Variants in CAPZB observed in about 807,000 individuals in gnomAD.
The protein encoded by CAPZB is capping actin protein of muscle Z-line subunit beta.
CAPZB carries 2 observed loss-of-function variants against 38.1 expected under a neutral mutation model. The observed-to-expected ratio is 0.05, with a 90% CI of 0.02 to 0.17. The LOEUF is 0.17. Among genes scored for constraint, CAPZB ranks in the 10% least tolerant of loss-of-function variants. The probability of loss-of-function intolerance (pLI) is 1.00; values close to 1 mark genes in which losing one functional copy is unlikely to be tolerated. For synonymous variants in CAPZB, 107 were observed against 127.4 expected, an observed-to-expected ratio of 0.84 and a Z score of 1.08; for missense variants, 161 against 334.2, an observed-to-expected ratio of 0.48 and a Z score of 4.04.
intron 2 of CAPZB, among the ~76,000 whole-genome samples, chr1:19,413,003 C>T (rs2094363772): frequency 6.6e-6 from 1 of 152,186 alleles, no homozygotes; most frequent in Admixed American, 6.5e-5. Flanking sequence ...TCCACGAAAA[C>T]CCCGGCACCT....
intron 4 of CAPZB, among the ~76,000 whole-genome samples, chr1:19,365,818 G>A (rs559806124): frequency 1.3e-5 from 2 of 150,924 alleles, no homozygotes; most frequent in South Asian, 4.2e-4. Context: ...TGAGTAACAA[G>A]AGTGAAACTC....
At position 19,485,532 on chromosome 1, in the gene CAPZB, G is replaced by A; in HGVS notation, c.-94C>T. The stretch of plus-strand genomic sequence containing the variant: ...CTTCCACTTCCCCGGGTGCCCAGGA[G>A]TGAACATCCGGGTCAGCACCCCCCT... On this transcript the variant is annotated 5_prime_UTR_variant, in exon 1 of 9. Transcript: ENST00000264202. 4 of 1,063,242 alleles carry A rather than the reference G, an allele frequency of 3.8e-6. No homozygotes were observed. Among genetic ancestry groups the A allele is most frequent in the Non-Finnish European group, 4.8e-6 (4 of 835,858 alleles). The allele number at this position is 1,063,242 out of a possible 1,614,324, so 65.9% of individuals were successfully genotyped here.
chr1:19,453,015 G>A (rs1412903242), intron 1 of CAPZB, among the ~76,000 whole-genome samples: 3 of 151,956 alleles, frequency 2.0e-5, no homozygotes, highest in Non-Finnish European at 4.4e-5. Flanking sequence ...ATGCTGGCCA[G>A]GCTGGTCTCG....
At chr1:19,453,908 T>C (rs2094524711) in intron 1 of CAPZB, among the ~76,000 whole-genome samples, 1 of 108,136 alleles carries the variant, frequency 9.2e-6, no homozygotes, top group Admixed American at 9.9e-5. Context: ...CCTACTGCCA[T>C]TTTACAGATG....
intron 1 of CAPZB, among the ~76,000 whole-genome samples, chr1:19,427,179 A>G (rs1263334598): frequency 6.6e-6 from 1 of 152,218 alleles, no homozygotes; most frequent in Non-Finnish European, 1.5e-5. Flanking sequence ...TTTCAAAGAC[A>G]GGCACAGGCA....
intron 4 of CAPZB, among the ~76,000 whole-genome samples, chr1:19,359,459 C>A (rs2094041053): frequency 6.6e-6 from 1 of 152,172 alleles, no homozygotes; most frequent in Non-Finnish European, 1.5e-5. Flanking sequence ...GGCCCCCTGC[C>A]CAGGGCTCCC....
chr1:19,364,228 A>T lies in CAPZB; in HGVS notation c.330-6665T>A, dbSNP rs78106913. Among the ~76,000 whole-genome samples the T allele has an allele frequency of 9.8e-3, 1,496 of 152,356 alleles. 61 individuals carry two copies. The East Asian group carries it at 0.13, about 14-fold the overall frequency. On this transcript the variant is annotated intron_variant, in intron 4 of 8. Transcript: ENST00000264202. ...TTTTTTCTTATTTGTAAAATCAAAG[A>T]GCTGGATCAGAGGCCAGCGTAGAGG...
intron 6 of CAPZB, among the ~76,000 whole-genome samples, chr1:19,348,036 A>T (rs1344465410): frequency 1.3e-5 from 2 of 152,178 alleles, no homozygotes; most frequent in African/African-American, 4.8e-5. Flanking sequence ...GATAATTTCA[A>T]GTTTGACAAG....
At chr1:19,424,415 G>T (rs12031691) in intron 1 of CAPZB, 46,033 of 151,948 alleles carry the variant, frequency 0.3, 7,252 homozygotes, top group Middle Eastern at 0.39. Flanking sequence ...CTGTAGTTCC[G>T]GCTACTCGGG....
chr1:19,339,779 G>A (rs558216674), intron 8 of CAPZB, among the ~76,000 whole-genome samples, 162 bp from the exon 9 acceptor site: 1 of 151,846 alleles, frequency 6.6e-6, no homozygotes, highest in African/African-American at 2.4e-5. Context: ...CTCTCAGAAA[G>A]GGGCAAAGGG....
intron 1 of CAPZB, among the ~76,000 whole-genome samples, chr1:19,476,569 C>T (rs916339389): frequency 5.9e-5 from 9 of 152,220 alleles, no homozygotes; most frequent in South Asian, 2.1e-4. Flanking sequence ...GGAGGGCTGT[C>T]GCAATGATTA....
chr1:19,452,916 G>A (rs547654074), intron 1 of CAPZB, among the ~76,000 whole-genome samples: 75 of 149,364 alleles, frequency 5.0e-4, no homozygotes, highest in African/African-American at 1.8e-3. Context: ...CGATTCACCT[G>A]CCTCAGTCTC....
chr1:19,385,911 T>C, intron 2 of CAPZB: 1 of 493,758 alleles, frequency 2.0e-6, no homozygotes, highest in Non-Finnish European at 3.9e-6. Flanking sequence ...CAGGGTGGCC[T>C]AGTAAATTTA....
chr1:19,380,987 G>A (rs1360584857), intron 3 of CAPZB, among the ~76,000 whole-genome samples: 1 of 152,132 alleles, frequency 6.6e-6, no homozygotes, highest in African/African-American at 2.4e-5. Flanking sequence ...GGCCAACATG[G>A]TGAAACCCCA....
chr1:19,364,290 G>C (rs970574942), intron 4 of CAPZB, among the ~76,000 whole-genome samples: 4 of 152,230 alleles, frequency 2.6e-5, no homozygotes, highest in African/African-American at 7.2e-5. Flanking sequence ...TTTGGTGGTT[G>C]CATCAGGGCC....
intron 4 of CAPZB, among the ~76,000 whole-genome samples, chr1:19,369,607 C>T (rs560536545): frequency 5.6e-4 from 86 of 152,346 alleles, no homozygotes; most frequent in African/African-American, 1.8e-3. Context: ...AAGCCAGAGA[C>T]GGCCTGGCTC....
chr1:19,377,331 T>C (rs1298511488), intron 4 of CAPZB, among the ~76,000 whole-genome samples: 1 of 152,226 alleles, frequency 6.6e-6, no homozygotes, highest in Admixed American at 6.5e-5. Context: ...TTCAGATAAA[T>C]ATGGGTTCAA....
At chr1:19,454,399 C>CT (rs2094526571) in intron 1 of CAPZB, among the ~76,000 whole-genome samples, 1 of 152,172 alleles carries the variant, frequency 6.6e-6, no homozygotes, top group Non-Finnish European at 1.5e-5. Context: ...CTTTAAAACT[C>CT]TTTTCCAGAG....
intron 1 of CAPZB, among the ~76,000 whole-genome samples, chr1:19,437,472 T>C (rs770334634): frequency 2.0e-5 from 3 of 152,180 alleles, no homozygotes; most frequent in South Asian, 2.1e-4. Flanking sequence ...TAACTTCCAA[T>C]AAAGCAGATA....
Sources: gnomAD v4.1 joint callset for allele counts (sites outside exome capture counted in the v4.1 genomes callset) on GRCh38, gnomAD v4.1.1 for gene constraint, MANE v1.5 for transcripts, NCBI Gene and HGNC (gene_info 2026-07-23, HGNC 2026-07-21) for gene names.